FBLN2: variants seen among roughly 807,000 people sequenced by gnomAD.
FBLN2 encodes the protein fibulin-2.
FBLN2 carries 81 observed loss-of-function variants against 123.7 expected under a neutral mutation model. The observed-to-expected ratio is 0.65, with a 90% CI of 0.55 to 0.79. The LOEUF (loss-of-function observed/expected upper bound fraction) is 0.79. Ranked by LOEUF, FBLN2 falls within the 30% of genes least tolerant of loss-of-function variation. The pLI is 0.00. For synonymous variants in FBLN2, 699 were observed against 701.4 expected (o/e 1.00, Z 0.05); for missense variants, 1,603 against 1,681.3 (o/e 0.95, Z 0.81).
At chr3:13,626,259 C>T (rs999147931) in intron 9 of FBLN2, among the ~76,000 whole-genome samples, 186 bp from the exon 10 acceptor site, 1 of 152,216 alleles carries the variant, frequency 6.6e-6, no homozygotes, top group Admixed American at 6.5e-5. Flanking sequence ...ATAGCAGGTG[C>T]TCAATAAATC....
chr3:13,609,757 G>A (rs2124881072), intron 4 of FBLN2, 115 bp downstream of exon 4: 1 of 1,263,196 alleles, frequency 7.9e-7, no homozygotes, highest in Non-Finnish European at 1.1e-6. Flanking sequence ...GGCTCCTCCT[G>A]GGAGTGACCC....
At chr3:13,613,856 G>C in intron 4 of FBLN2, 128 bp from the exon 5 acceptor site, 1 of 1,045,020 alleles carries the variant, frequency 9.6e-7, no homozygotes, top group Non-Finnish European at 1.3e-6. Flanking sequence ...CTCTGCCCTG[G>C]GAGAGCGCAT....
Position 13,627,908 on chromosome 3 carries a change from C to T in FBLN2, c.2508C>T (p.Tyr836=). 1 of 1,613,906 alleles carries T rather than the reference C, an allele frequency of 6.2e-7. No individual in the cohort carries two copies. The highest frequency in any genetic ancestry group is 8.5e-7 in the Non-Finnish European group (1 of 1,179,858). Residue 836 remains tyrosine (Y), a synonymous_variant, in exon 11 of 18, where the codon TAC becomes TAT. Coordinates refer to ENST00000404922, the MANE Select transcript of FBLN2 (RefSeq NM_001004019.2). ...FLCQNTKGSF[Y]CQARQRCMDG... ...GCCAGAACACCAAGGGCTCCTTCTA[C>T]TGCCAGGCCAGGCAGCGCTGCATGG...
chr3:13,624,321 G>A (rs1474406602), intron 9 of FBLN2, among the ~76,000 whole-genome samples: 5 of 152,130 alleles, frequency 3.3e-5, no homozygotes, highest in Non-Finnish European at 5.9e-5. Flanking sequence ...GTGAGCCTCC[G>A]CTCATGGTGC....
At chr3:13,579,845 A>C (rs1473062501) in intron 2 of FBLN2, among the ~76,000 whole-genome samples, 1 of 152,240 alleles carries the variant, frequency 6.6e-6, no homozygotes, top group African/African-American at 2.4e-5. Flanking sequence ...CATAACCACT[A>C]GAACCTGTCA....
chr3:13,627,738 C>A, intron 10 of FBLN2, 94 bp from the exon 11 acceptor site: 1 of 1,431,548 alleles, frequency 7.0e-7, no homozygotes, highest in Non-Finnish European at 9.3e-7. Flanking sequence ...CCATCAGGGT[C>A]ATGGGTCTGA....
At position 13,614,007 on chromosome 3, in the gene FBLN2, G is replaced by A; in HGVS notation, c.1572G>A (p.Leu524=). The A allele has an allele frequency of 1.2e-6, 2 of 1,612,824 alleles. No individual in the cohort carries two copies. Among genetic ancestry groups the A allele is most frequent in the East Asian group, 2.2e-5 (1 of 44,880 alleles). The change falls in exon 5 of 18, where the codon CTG becomes CTA. Residue 524 remains leucine, a synonymous_variant. Transcript: ENST00000404922. ...AGCAATGCTGTGACTGCTGTGGCCT[G>A]GGCCTCCGCGTGCGGGCCGAGGGCC... ...LYKQCCDCCG[L]GLRVRAEGQS...
intron 16 of FBLN2, among the ~76,000 whole-genome samples, chr3:13,632,524 C>T (rs150081145): frequency 3.4e-4 from 52 of 152,328 alleles, no homozygotes; most frequent in African/African-American, 1.2e-3. Context: ...ATCCTGAGAT[C>T]AAGTCGATAG....
chr3:13,617,531 C>T (rs980642285), intron 5 of FBLN2, among the ~76,000 whole-genome samples: 1 of 150,296 alleles, frequency 6.7e-6, no homozygotes, highest in Non-Finnish European at 1.5e-5. Flanking sequence ...TCCATCTACC[C>T]ATCCATCCTC....
chr3:13,613,738 TG>T (rs1452703695), intron 4 of FBLN2, among the ~76,000 whole-genome samples: 1 of 152,204 alleles, frequency 6.6e-6, no homozygotes, highest in Non-Finnish European at 1.5e-5. Flanking sequence ...TGAGTGTGGC[TG>T]GGGGGTTATA....
intron 6 of FBLN2, 27 bp downstream of exon 6, chr3:13,618,312 G>C: frequency 6.2e-7 from 1 of 1,610,508 alleles, no homozygotes; most frequent in Non-Finnish European, 8.5e-7. Flanking sequence ...CCAGGGCAGG[G>C]GCTATGGGAA....
chr3:13,587,698 A>G (rs1160586092), intron 2 of FBLN2, among the ~76,000 whole-genome samples: 3 of 152,218 alleles, frequency 2.0e-5, no homozygotes, highest in East Asian at 3.8e-4. Context: ...GATAAGAAAC[A>G]TTTTACAGCC....
intron 2 of FBLN2, among the ~76,000 whole-genome samples, chr3:13,595,192 C>T (rs1391322628): frequency 6.6e-6 from 1 of 152,144 alleles, no homozygotes; most frequent in Non-Finnish European, 1.5e-5. Context: ...GCTGGACTGG[C>T]CAGGCTGGGG....
Position 13,570,525 on chromosome 3 carries a change from C to T in FBLN2, c.170C>T (p.Thr57Met), listed in dbSNP as rs746137551. Reference protein sequence around the residue: ...EALEPGACCATCVQQGCACEG... With the variant: ...EALEPGACCAMCVQQGCACEG... ...CTGGAGCCGGGTGCCTGCTGTGCCA[C>T]GTGTGTGCAGCAGGGCTGCGCCTGC... The change falls in exon 2 of 18, where the codon ACG becomes ATG. Residue 57 changes from threonine to methionine, a missense_variant. Coordinates refer to ENST00000404922, the MANE Select transcript of FBLN2 (RefSeq NM_001004019.2). 111 of 1,592,084 alleles carry T rather than the reference C, an allele frequency of 7.0e-5. 1 individual carries two copies. In the Middle Eastern group the frequency reaches 8.4e-4, roughly 12 times the overall value.
intron 16 of FBLN2, 26 bp downstream of exon 16, chr3:13,631,483 C>G: frequency 6.4e-7 from 1 of 1,565,834 alleles, no homozygotes. Context: ...CACACGCCCC[C>G]GCCTCCATCA....
intron 1 of FBLN2, among the ~76,000 whole-genome samples, chr3:13,559,785 T>G (rs970756437): frequency 3.3e-5 from 5 of 152,182 alleles, no homozygotes; most frequent in African/African-American, 1.2e-4. Context: ...GGAGAACCAT[T>G]CAGGGTTTGG....
intron 2 of FBLN2, among the ~76,000 whole-genome samples, chr3:13,594,527 T>G (rs535573759): frequency 2.6e-4 from 39 of 152,340 alleles, no homozygotes; most frequent in African/African-American, 6.0e-4. Context: ...AAAATAAGCC[T>G]GTCGTTTAAA....
intron 2 of FBLN2, among the ~76,000 whole-genome samples, chr3:13,588,422 T>A (rs565932275): frequency 6.6e-6 from 1 of 152,308 alleles, no homozygotes; most frequent in Admixed American, 6.5e-5. Flanking sequence ...TGAAGGGAAA[T>A]GGAAAGCTGC....
rs762062546 is a variant in FBLN2, at chr3:13,628,966, G to A, written c.2631G>A (p.Thr877=). ...GGCCAGGCTTCAGCTGCATCAACAC[G>A]GTGGGCTCCTACACATGCCAGAGGA... ...PCRPGFSCIN[T]VGSYTCQRNP... is the part of the protein sequence containing the mutation. The change falls in exon 12 of 18, where the codon ACG becomes ACA. Residue 877 remains threonine, a synonymous_variant. Coordinates refer to ENST00000404922, the MANE Select transcript of FBLN2 (RefSeq NM_001004019.2). The A allele has an allele frequency of 1.9e-5, 31 of 1,613,464 alleles. No homozygotes were observed. In the East Asian group the frequency reaches 2.7e-4, roughly 14 times the overall value.
Sources: gnomAD v4.1 joint callset for allele counts (sites outside exome capture counted in the v4.1 genomes callset) on GRCh38, gnomAD v4.1.1 for gene constraint, MANE v1.5 for transcripts, NCBI Gene and HGNC (gene_info 2026-07-23, HGNC 2026-07-21) for gene names.